The following MFSD12 variants were observed in gnomAD, a reference collection of about 807,000 sequenced individuals.
MFSD12 encodes major facilitator superfamily domain containing 12.
A neutral mutation model predicts 51.2 loss-of-function variants in MFSD12; 67 were observed. The ratio of observed to expected loss-of-function variants is 1.31; its 90% confidence interval spans 1.08 to 1.60. The LOEUF (loss-of-function observed/expected upper bound fraction) is 1.60, where lower values mean the gene tolerates loss of function less well. MFSD12 is among the 40% of genes most tolerant of loss of function. MFSD12 has a pLI of 0.00. For synonymous variants in MFSD12, 441 were observed against 316.7 expected (o/e 1.39, Z -4.17); for missense variants, 921 against 673.0 (o/e 1.37, Z -4.08).
At chr19:3,545,852 G>A (rs10424296) in intron 8 of MFSD12, among the ~76,000 whole-genome samples, 31,625 of 152,122 alleles carry the variant, frequency 0.21, 3,785 homozygotes, top group African/African-American at 0.33. Flanking sequence ...ATTTCTGTAC[G>A]GTGTCTTCAG....
At chr19:3,540,418 C>A (rs1006993975), downstream of MFSD12, among the ~76,000 whole-genome samples, 2 of 151,690 alleles carry the variant, frequency 1.3e-5, no homozygotes, top group Admixed American at 6.6e-5. Context: ...CTACCATGCC[C>A]AGCTAATTTT....
chr19:3,549,757 C>T (rs996878917), intron 2 of MFSD12, among the ~76,000 whole-genome samples: 2 of 146,914 alleles, frequency 1.4e-5, no homozygotes, highest in Non-Finnish European at 3.0e-5. Flanking sequence ...GGCACAGTGG[C>T]TCACGCCTGT....
intron 1 of MFSD12, among the ~76,000 whole-genome samples, chr19:3,555,989 C>T (rs2031704862): frequency 1.3e-5 from 2 of 152,194 alleles, no homozygotes; most frequent in Non-Finnish European, 1.5e-5. Context: ...CAGCCTCCTG[C>T]CCTCCCAACA....
In MFSD12 at chr19:3,544,317, C is replaced by G. The variant is rs2030748196; in HGVS notation, c.*393G>C. On this transcript the variant is annotated 3_prime_UTR_variant, in exon 10 of 10. Transcript: ENST00000355415. ...ACCCCGTGGCTGTCTCCTCCAGGCTCCAGCCGTCCTGAGGGGGCCCTGGCA... is the reference window on the plus strand; with the variant it reads ...ACCCCGTGGCTGTCTCCTCCAGGCTGCAGCCGTCCTGAGGGGGCCCTGGCA... 3.1e-5 allele frequency: 40 copies of G among 1,273,060 alleles called. No homozygotes were observed. The highest frequency in any genetic ancestry group is 3.6e-5 in the Non-Finnish European group (36 of 1,009,708). The allele number at this position is 1,273,060 out of a possible 1,614,324, so 78.9% of individuals were successfully genotyped here.
chr19:3,551,725 G>A lies in MFSD12; in HGVS notation c.299-531C>T, dbSNP rs1310184845. Among the ~76,000 whole-genome samples the A allele has an allele frequency of 1.3e-5, 2 of 152,120 alleles. No individual in the cohort carries two copies. Among genetic ancestry groups the A allele is most frequent in the African/African-American group, 2.4e-5 (1 of 41,426 alleles). The stretch of plus-strand genomic sequence containing the variant: ...CAAGGCCTGGCTCTTCACATCCTCA[G>A]AAGAAAACCCCTAAGATACCCTGGA... On this transcript the variant is annotated intron_variant, in intron 1 of 9. Transcript: ENST00000355415. This position sits in a 1 kb window ranked among gnomAD's most constrained non-coding sequence, Gnocchi z 4.6.
intron 8 of MFSD12, 102 bp downstream of exon 8, chr19:3,545,972 C>G: frequency 1.6e-6 from 2 of 1,259,250 alleles, no homozygotes; most frequent in Non-Finnish European, 2.3e-6. Context: ...TGTCTTTGGT[C>G]CACAGCTGGA....
At chr19:3,543,399 C>T (rs12608919), downstream of MFSD12, 481,706 of 1,548,376 alleles carry the variant, frequency 0.31, 85,217 homozygotes, top group East Asian at 0.82. Flanking sequence ...CCACGGGCCC[C>T]GGCCAGCCCC....
In MFSD12 at chr19:3,538,651, G is replaced by A; in HGVS notation, c.*111C>T. 8.0e-6 allele frequency: 3 copies of A among 374,124 alleles called. No homozygotes were observed. The Admixed American group carries it at 9.2e-5, about 12-fold the overall frequency. 23.2% of individuals were successfully genotyped at this position (374,124 alleles called of 1,614,324 possible). ...TGTGGCTGAGTCTCGTTCCAGCACG[G>A]TGGCGGCGCCGTGCTGATCCCCTCA... On this transcript the variant is annotated 3_prime_UTR_variant, in exon 5 of 5. Coordinates refer to the MFSD12 transcript ENST00000398558.
chr19:3,544,814 CGCAGGCGGGTCG>C lies in MFSD12; in HGVS notation c.1403_1414del (p.Pro468_Leu471del). On this transcript the variant is annotated inframe_deletion, in exon 9 of 10. Coordinates refer to ENST00000355415, the MANE Select transcript of MFSD12 (RefSeq NM_174983.5). Reference sequence around the variant, plus strand: ...AGGGGTGGGCCAGGACTCACAGCGTCGCAGGCGGGTCGGCCACAGCAGGAGGCTACAGAGACA... The same window carrying C: ...AGGGGTGGGCCAGGACTCACAGCGTCGCCACAGCAGGAGGCTACAGAGACA... 6.2e-7 allele frequency: 1 copy of C among 1,612,220 alleles called. No homozygotes were observed. Among genetic ancestry groups the C allele is most frequent in the South Asian group, 1.1e-5 (1 of 90,974 alleles).
chr19:3,539,064 C>A, intron 4 of MFSD12: 1 of 685,970 alleles, frequency 1.5e-6, no homozygotes, highest in African/African-American at 1.8e-5. Context: ...CACCTCACCC[C>A]GCAGCTGGGA....
At chr19:3,540,463 G>T (rs369840938), downstream of MFSD12, among the ~76,000 whole-genome samples, 1 of 149,924 alleles carries the variant, frequency 6.7e-6, no homozygotes, top group Admixed American at 6.6e-5. Flanking sequence ...TCACCATGTT[G>T]GCCAGGATGG....
intron 2 of MFSD12, among the ~76,000 whole-genome samples, chr19:3,549,514 G>A (rs2031334128): frequency 2.0e-5 from 3 of 151,588 alleles, no homozygotes; most frequent in Admixed American, 6.6e-5. Context: ...ACTGAGGTCA[G>A]GAGTTCGAGA....
chr19:3,546,293 AG>A lies in MFSD12; in HGVS notation c.1155del (p.Ser386ArgfsTer4), dbSNP rs2031039473. On this transcript the variant is annotated frameshift_variant, in exon 7 of 10. Transcript: ENST00000355415. LOFTEE classifies it high-confidence loss of function. ...ATGAGGTCGGCCGTCATGGCCAGCG[AG>A]GTGACGAGGATGGTGGCACAGCCAG... ...LGAGCATILV[T>X]SLAMTADLIG... The A allele has an allele frequency of 6.2e-7, 1 of 1,610,334 alleles. No individual in the cohort carries two copies. The highest frequency in any genetic ancestry group is 1.3e-5 in the African/African-American group (1 of 75,036).
In MFSD12 at chr19:3,547,919, G is replaced by A. The variant is rs771158059; in HGVS notation, c.766C>T (p.Leu256=). ...GGCTGGGCCGTGGCAGGGGCCAACA[G>A]GGGGGTGTGCTCGCCTGGCTCCTCC... ...HAEEPGEHTP[L]LAPATAQPLL... Residue 256 remains leucine, a synonymous_variant, in exon 4 of 10, where the codon CTG becomes TTG. Coordinates refer to ENST00000355415, the MANE Select transcript of MFSD12 (RefSeq NM_174983.5). The A allele has an allele frequency of 1.2e-5, 19 of 1,577,884 alleles. No individual in the cohort carries two copies. The South Asian group carries it at 1.3e-4, about 10-fold the overall frequency.
At chr19:3,555,069 A>G (rs2031665616) in intron 1 of MFSD12, among the ~76,000 whole-genome samples, 1 of 151,890 alleles carries the variant, frequency 6.6e-6, no homozygotes, top group Middle Eastern at 3.2e-3. Context: ...GAAAAACATA[A>G]AGCCTTCGGT....
intron 2 of MFSD12, among the ~76,000 whole-genome samples, chr19:3,549,417 C>G (rs1013850220): frequency 6.6e-6 from 1 of 152,042 alleles, no homozygotes; most frequent in Non-Finnish European, 1.5e-5. Context: ...TTGGTCAGCT[C>G]GGGTGTGTCC....
rs547370611 is a variant in MFSD12, at chr19:3,556,162, G to A, written c.298+944C>T. Among the ~76,000 whole-genome samples, 24 of 152,358 alleles carry A rather than the reference G, an allele frequency of 1.6e-4. No individual in the cohort carries two copies. In the South Asian group the frequency reaches 2.7e-3, roughly 17 times the overall value. ...GGAGCAGCACCCTCAAACTGCTGAC[G>A]CACCAGGTTGCCCTGGCAGAACACA... On this transcript the variant is annotated intron_variant, in intron 1 of 9. Transcript: ENST00000355415.
intron 8 of MFSD12, among the ~76,000 whole-genome samples, chr19:3,545,400 C>T (rs1181224101): frequency 6.6e-6 from 1 of 151,046 alleles, no homozygotes; most frequent in East Asian, 1.9e-4. Flanking sequence ...CTGCCCTCCC[C>T]TCCTCCCTCT....
At chr19:3,550,939 G>A in intron 2 of MFSD12, 45 bp downstream of exon 2, 1 of 1,556,956 alleles carries the variant, frequency 6.4e-7, no homozygotes, top group Non-Finnish European at 8.8e-7. Flanking sequence ...GATACACCGA[G>A]CCGGGGCCCA....
Sources: gnomAD v4.1 joint callset for allele counts (sites outside exome capture counted in the v4.1 genomes callset) on GRCh38, gnomAD v4.1.1 for gene constraint, Gnocchi (gnomAD v3.1) non-coding constraint, MANE v1.5 for transcripts, NCBI Gene and HGNC (gene_info 2026-07-23, HGNC 2026-07-21) for gene names.